PCSK5: variants seen among roughly 807,000 people sequenced by gnomAD.
PCSK5 encodes the protein prohormone convertase 5.
Under a neutral mutation model 233.2 loss-of-function variants are expected in PCSK5, and 129 were observed. The observed-to-expected ratio is 0.55, with a 90% CI of 0.48 to 0.64. The LOEUF (loss-of-function observed/expected upper bound fraction) is 0.64, where lower values mean the gene tolerates loss of function less well. PCSK5 is among the 30% of genes least tolerant of loss of function. The pLI, the probability that PCSK5 is intolerant of heterozygous loss-of-function variation, is 0.00. For missense variants in PCSK5, 2,076 were observed against 2,430.1 expected (o/e 0.85, Z 3.06); for synonymous variants, 825 against 879.2 (o/e 0.94, Z 1.09).
At chr9:75,959,737 A>C (rs558395225) in intron 2 of PCSK5, among the ~76,000 whole-genome samples, 1 of 152,332 alleles carries the variant, frequency 6.6e-6, no homozygotes, top group African/African-American at 2.4e-5. Context: ...ACCAAGTCCC[A>C]TTGGTTTCAT....
At chr9:76,234,033 A>G (rs544783872) in intron 22 of PCSK5, among the ~76,000 whole-genome samples, 1 of 152,170 alleles carries the variant, frequency 6.6e-6, no homozygotes, top group Admixed American at 6.5e-5. Context: ...ATGATTACAA[A>G]TGTGACCTTT....
intron 32 of PCSK5, among the ~76,000 whole-genome samples, chr9:76,326,642 T>C (rs1311409546): frequency 1.3e-5 from 2 of 152,074 alleles, no homozygotes; most frequent in South Asian, 2.1e-4. Flanking sequence ...GAGAGGATAA[T>C]ATAAACAATA....
chr9:75,948,465 A>G (rs1446399613), intron 2 of PCSK5, among the ~76,000 whole-genome samples: 3 of 151,946 alleles, frequency 2.0e-5, no homozygotes, highest in Non-Finnish European at 2.9e-5. Context: ...AGCTTCATCC[A>G]TGTCCCTACA....
At chr9:75,976,492 G>A (rs551310181) in intron 2 of PCSK5, among the ~76,000 whole-genome samples, 6 of 151,882 alleles carry the variant, frequency 4.0e-5, no homozygotes, top group Non-Finnish European at 8.8e-5. Flanking sequence ...TATAAAATAA[G>A]TGTCTTGCCT....
intron 21 of PCSK5, among the ~76,000 whole-genome samples, chr9:76,230,561 G>T (rs560880302): frequency 8.5e-4 from 129 of 152,292 alleles, no homozygotes; most frequent in African/African-American, 2.8e-3. Flanking sequence ...AACTGATATT[G>T]GTTCATGGCC....
At chr9:76,193,225 C>G in intron 20 of PCSK5, 1 of 1,611,974 alleles carries the variant, frequency 6.2e-7, no homozygotes. Context: ...CTCTTGCTGA[C>G]TTCTGGAAAA....
intron 12 of PCSK5, among the ~76,000 whole-genome samples, chr9:76,160,461 T>G (rs551894582): frequency 6.6e-6 from 1 of 152,056 alleles, no homozygotes; most frequent in Non-Finnish European, 1.5e-5. Flanking sequence ...AGAAGAACAT[T>G]TAATGGGAGC....
At chr9:76,127,463 T>A (rs931818131) in intron 9 of PCSK5, among the ~76,000 whole-genome samples, 3 of 151,816 alleles carry the variant, frequency 2.0e-5, no homozygotes, top group Admixed American at 6.6e-5. Flanking sequence ...TCCAAAAATT[T>A]CACTCCCCAG....
At chr9:75,897,294 G>C (rs569646080) in intron 1 of PCSK5, among the ~76,000 whole-genome samples, 1 of 152,090 alleles carries the variant, frequency 6.6e-6, no homozygotes, top group Admixed American at 6.5e-5. Context: ...CTGAAAGGAA[G>C]AGGAATAAGT....
chr9:75,992,233 G>A (rs985616637), intron 3 of PCSK5, among the ~76,000 whole-genome samples: 8 of 152,234 alleles, frequency 5.3e-5, no homozygotes, highest in Non-Finnish European at 7.4e-5. Flanking sequence ...CATCACTTGC[G>A]CTGAATTCGA....
At chr9:75,953,090 A>C (rs1172103513) in intron 2 of PCSK5, among the ~76,000 whole-genome samples, 2 of 152,202 alleles carry the variant, frequency 1.3e-5, no homozygotes, top group Admixed American at 1.3e-4. Context: ...GGAACCTGAA[A>C]AAATATCCTT....
In PCSK5 at chr9:76,239,058, C is replaced by G; in HGVS notation, c.2966C>G (p.Pro989Arg). The change falls in exon 23 of 38, where the codon CCA (proline) becomes CGA (arginine). Residue 989 changes from proline (P) to arginine (R), a missense_variant. Transcript: ENST00000674117. Reference protein sequence around the residue: ...ATEGNTCLPCPDNCELCHSVH... With the variant: ...ATEGNTCLPCRDNCELCHSVH... ...GAGGGGAACACCTGCCTGCCCTGCCCAGACAACTGTGAGCTTTGCCACAGC... is the reference window on the plus strand; with the variant it reads ...GAGGGGAACACCTGCCTGCCCTGCCGAGACAACTGTGAGCTTTGCCACAGC... The G allele has an allele frequency of 6.2e-7, 1 of 1,611,486 alleles. No individual in the cohort carries two copies. The highest frequency in any genetic ancestry group is 8.5e-7 in the Non-Finnish European group (1 of 1,179,356).
Position 76,191,555 on chromosome 9 carries a change from T to C in PCSK5, c.2626+1809T>C, listed in dbSNP as rs541032292. Among the ~76,000 whole-genome samples, 17 of 152,298 alleles carry C rather than the reference T, an allele frequency of 1.1e-4. No homozygotes were observed. In the East Asian group the frequency reaches 3.3e-3, roughly 29 times the overall value. ...CATGATTGATAGCACTGATAGGACA[T>C]CATTTGTGGTCTTATTTCTTTGGAG... On this transcript the variant is annotated intron_variant, in intron 20 of 37. Transcript: ENST00000674117.
Position 76,179,637 on chromosome 9 carries a change from C to T in PCSK5, c.1942C>T (p.Pro648Ser), listed in dbSNP as rs1330260599. 3 of 1,613,796 alleles carry T rather than the reference C, an allele frequency of 1.9e-6. No homozygotes were observed. The South Asian group carries it at 3.3e-5, about 18-fold the overall frequency. Residue 648 changes from proline (P) to serine (S), a missense_variant, in exon 15 of 38, where the codon CCA (proline) becomes TCA (serine). By Grantham distance (74) the Pro-to-Ser change is moderately conservative. Around this residue, in one of 6 missense-constraint regions of PCSK5, gnomAD observed 84 missense variants for 108.8 expected, o/e 0.77. Coordinates refer to ENST00000674117, the MANE Select transcript of PCSK5 (RefSeq NM_001372043.1). ...PECSEVGCDG[P>S]GPDHCNDCLH... ...GTGCAGTGAGGTTGGCTGTGACGGG[C>T]CAGGACCAGACCACTGCAATGACTG... is the stretch of plus-strand genomic sequence containing the variant.
At chr9:76,301,562 G>A (rs565267334) in intron 27 of PCSK5, among the ~76,000 whole-genome samples, 86 of 152,252 alleles carry the variant, frequency 5.6e-4, no homozygotes, top group Non-Finnish European at 9.7e-4. Context: ...GATGTTTACA[G>A]CTGGGCACGG....
At chr9:75,925,302 G>C (rs534505303) in intron 1 of PCSK5, among the ~76,000 whole-genome samples, 1 of 152,090 alleles carries the variant, frequency 6.6e-6, no homozygotes, top group East Asian at 1.9e-4. Flanking sequence ...ACCCAAAAAG[G>C]GCTATAAAAG....
At chr9:76,232,168 C>A (rs1826110886) in intron 21 of PCSK5, among the ~76,000 whole-genome samples, 1 of 152,160 alleles carries the variant, frequency 6.6e-6, no homozygotes, top group Non-Finnish European at 1.5e-5. Flanking sequence ...CAAGCCAGTG[C>A]CAATACAGGA....
rs71372041 is a variant in PCSK5 at position 76,046,160 on chromosome 9, G to GTTTTTTTTTTTTTTTTTTTT, written c.632+19139_632+19158dup. Among the ~76,000 whole-genome samples the GTTTTTTTTTTTTTTTTTTTT allele has an allele frequency of 1.4e-4, 8 of 58,038 alleles. 3 individuals carry two copies. The highest frequency in any genetic ancestry group is 2.7e-4 in the African/African-American group (4 of 14,732). The allele number at this position is 58,038 out of a possible 152,430, so 38.1% of individuals were successfully genotyped here. On this transcript the variant is annotated intron_variant, in intron 5 of 37. Transcript: ENST00000674117. ...GCATTAACACATAATTTTTTCTTTT[G>GTTTTTTTTTTTTTTTTTTTT]TTTTTTTTTTTTTTTTTTTTTTTTT...
intron 2 of PCSK5, among the ~76,000 whole-genome samples, chr9:75,959,409 G>A (rs1202859246): frequency 1.3e-5 from 2 of 152,162 alleles, no homozygotes; most frequent in African/African-American, 4.8e-5. Context: ...GTCACAGACG[G>A]CTGCTTGTTC....
Sources: gnomAD v4.1 joint callset for allele counts (sites outside exome capture counted in the v4.1 genomes callset) on GRCh38, gnomAD v4.1.1 for gene constraint, gnomAD v4.1.1 regional missense constraint, MANE v1.5 for transcripts, NCBI Gene and HGNC (gene_info 2026-07-23, HGNC 2026-07-21) for gene names.